The following CNOT10 variants were observed in gnomAD, a reference collection of about 807,000 sequenced individuals.
The protein encoded by CNOT10 is CCR4-NOT transcription complex, subunit 10.
CNOT10 carries 30 observed loss-of-function variants against 94.6 expected under a neutral mutation model. That is an observed-to-expected ratio of 0.32 (90% CI 0.24 to 0.43). The LOEUF is 0.43. Among genes scored for constraint, CNOT10 ranks in the 20% least tolerant of loss-of-function variants. The probability of loss-of-function intolerance (pLI) is 1.00; values close to 1 mark genes in which losing one functional copy is unlikely to be tolerated. For synonymous variants in CNOT10, 289 were observed against 301.6 expected (o/e 0.96, Z 0.43); for missense variants, 759 against 877.2 (o/e 0.87, Z 1.70).
At chr3:32,759,402 TA>T in intron 13 of CNOT10, 55 bp from the exon 14 acceptor site, 1 of 1,233,824 alleles carries the variant, frequency 8.1e-7, no homozygotes, top group African/African-American at 1.5e-5. Flanking sequence ...TTAGCAAATA[TA>T]ACCATTATCA....
At chr3:32,696,394 A>G (rs913319038) in intron 1 of CNOT10, among the ~76,000 whole-genome samples, 4 of 152,136 alleles carry the variant, frequency 2.6e-5, no homozygotes, top group African/African-American at 4.8e-5. Context: ...GGCTCAAGCA[A>G]TCTTCCCACC....
chr3:32,767,299 A>G (rs1700684241), intron 17 of CNOT10, among the ~76,000 whole-genome samples: 1 of 152,050 alleles, frequency 6.6e-6, no homozygotes, highest in African/African-American at 2.4e-5. Flanking sequence ...CAGGCAGATC[A>G]CCTGAGGTCA....
intron 15 of CNOT10, among the ~76,000 whole-genome samples, chr3:32,763,721 AGAT>A (rs1700547244): frequency 6.6e-6 from 1 of 152,190 alleles, no homozygotes; most frequent in Non-Finnish European, 1.5e-5. Context: ...CTCAGGTTTG[AGAT>A]GGTGGTGGGT....
At chr3:32,704,017 ATCTT>A in intron 2 of CNOT10, 55 bp downstream of exon 2, 8 of 1,062,500 alleles carry the variant, frequency 7.5e-6, no homozygotes, top group Non-Finnish European at 1.1e-5. Context: ...TCAAGTATGA[ATCTT>A]TTCATAGTGA....
At chr3:32,714,564 C>A (rs1291213572) in intron 5 of CNOT10, among the ~76,000 whole-genome samples, 5 of 151,968 alleles carry the variant, frequency 3.3e-5, no homozygotes, top group Non-Finnish European at 5.9e-5. Flanking sequence ...CAAAAAATAG[C>A]TGGGCATGGT....
At chr3:32,745,127 T>C (rs1699636712) in intron 13 of CNOT10, among the ~76,000 whole-genome samples, 1 of 152,038 alleles carries the variant, frequency 6.6e-6, no homozygotes, top group Non-Finnish European at 1.5e-5. Context: ...GATCCGCCCA[T>C]CTTGGCCTCC....
At chr3:32,734,687 C>T in intron 11 of CNOT10, 113 bp from the exon 12 acceptor site, 1 of 847,174 alleles carries the variant, frequency 1.2e-6, no homozygotes, top group South Asian at 2.4e-5. Flanking sequence ...AAATTTCTAC[C>T]TATCAAAAGG....
intron 1 of CNOT10, 179 bp from the exon 2 acceptor site, chr3:32,703,689 A>G (rs113234986): frequency 1.9e-6 from 1 of 531,028 alleles, no homozygotes. Flanking sequence ...AAGAGATTTC[A>G]TCATGTTACT....
At chr3:32,771,858 C>T (rs1575321745) in intron 18 of CNOT10, among the ~76,000 whole-genome samples, 1 of 152,150 alleles carries the variant, frequency 6.6e-6, no homozygotes, top group African/African-American at 2.4e-5. Flanking sequence ...GAGTTATACA[C>T]CATAGTATTT....
rs757773345 is a variant in CNOT10 at position 32,773,566 on chromosome 3, C to T, written c.2190C>T (p.Ile730=). 1 of 1,614,088 alleles carries T rather than the reference C, an allele frequency of 6.2e-7. No homozygotes were observed. The highest frequency in any genetic ancestry group is 8.5e-7 in the Non-Finnish European group (1 of 1,179,992). The change falls in exon 19 of 19, where the codon ATC becomes ATT. Residue 730 remains isoleucine (I), a synonymous_variant. Transcript: ENST00000328834. ...KKPVFQPVHP[I]QPIQMPAFTT... is the part of the protein sequence containing the mutation. ...CAGTGTTTCAGCCTGTCCACCCGAT[C>T]CAGCCCATCCAAATGCCGGCTTTCA...
chr3:32,760,125 T>TTA (rs1304591176), intron 14 of CNOT10, among the ~76,000 whole-genome samples: 1 of 3,546 alleles, frequency 2.8e-4, no homozygotes, highest in Non-Finnish European at 3.8e-3. Context: ...GAGGTTGCAG[T>TTA]GAGATCTCTG....
intron 7 of CNOT10, among the ~76,000 whole-genome samples, chr3:32,718,973 G>A (rs942970395): frequency 3.3e-5 from 5 of 151,964 alleles, no homozygotes; most frequent in Admixed American, 6.6e-5. Flanking sequence ...AAATTAGGTC[G>A]GGCATGGTGG....
chr3:32,740,652 G>A (rs1699420565), intron 13 of CNOT10, among the ~76,000 whole-genome samples: 1 of 151,858 alleles, frequency 6.6e-6, no homozygotes, highest in Admixed American at 6.6e-5. Context: ...CACAAGGTCA[G>A]GAGATCGAGA....
At chr3:32,723,489 A>G (rs1698514923) in intron 8 of CNOT10, among the ~76,000 whole-genome samples, 1 of 152,214 alleles carries the variant, frequency 6.6e-6, no homozygotes, top group Non-Finnish European at 1.5e-5. Flanking sequence ...TTAAAAATAA[A>G]TAAAAGCAGT....
intron 13 of CNOT10, among the ~76,000 whole-genome samples, chr3:32,750,413 AC>A: frequency 6.6e-6 from 1 of 150,864 alleles, no homozygotes; most frequent in South Asian, 2.1e-4. Context: ...AATTGCTTGA[AC>A]CCCGGAGGCC....
chr3:32,709,609 G>A (rs1163705019), intron 4 of CNOT10, among the ~76,000 whole-genome samples: 1 of 152,106 alleles, frequency 6.6e-6, no homozygotes, highest in African/African-American at 2.4e-5. Context: ...TGATTACTAT[G>A]GCTCCAGAGA....
At chr3:32,692,445 A>C (rs1696891797) in intron 1 of CNOT10, among the ~76,000 whole-genome samples, 1 of 152,152 alleles carries the variant, frequency 6.6e-6, no homozygotes, top group South Asian at 2.1e-4. Flanking sequence ...AGGCTTGATT[A>C]GATATAGGTT....
chr3:32,735,347 A>T (rs1559500777), intron 12 of CNOT10, among the ~76,000 whole-genome samples: 1 of 151,652 alleles, frequency 6.6e-6, no homozygotes, highest in Non-Finnish European at 1.5e-5. Context: ...TTCATCTCAA[A>T]AAAGAAAGTA....
rs1697552283 is a variant in CNOT10 at position 32,705,051 on chromosome 3, A to G, written c.279+79A>G. On this transcript the variant is annotated intron_variant, in intron 3 of 18. Transcript: ENST00000328834. ...TGAAACACAAATAGTTAAGGAAAATAAATGTGATTTGTCTGGTATTTCTTG... is the reference window on the plus strand; with the variant it reads ...TGAAACACAAATAGTTAAGGAAAATGAATGTGATTTGTCTGGTATTTCTTG... 3 of 961,402 alleles carry G rather than the reference A, an allele frequency of 3.1e-6. No individual in the cohort carries two copies. In the African/African-American group the frequency reaches 5.2e-5, roughly 17 times the overall value. The allele number at this position is 961,402 out of a possible 1,614,324, so 59.6% of individuals were successfully genotyped here.
Sources: allele counts gnomAD v4.1 joint callset (sites outside exome capture counted in the v4.1 genomes callset), GRCh38; gene constraint gnomAD v4.1.1; transcripts MANE v1.5; gene names NCBI Gene and HGNC (gene_info 2026-07-23, HGNC 2026-07-21).